ROBO2: variants seen among roughly 807,000 people sequenced by gnomAD.
ROBO2 encodes the protein roundabout homolog 2.
A neutral mutation model predicts 160.8 loss-of-function variants in ROBO2; 53 were observed. The ratio of observed to expected loss-of-function variants is 0.33; its 90% CI spans 0.26 to 0.41. The LOEUF is 0.41. Among genes scored for constraint, ROBO2 ranks in the 10% least tolerant of loss-of-function variants. ROBO2 has a pLI of 1.00. For synonymous variants in ROBO2, 664 were observed against 611.7 expected (o/e 1.09, Z -1.26); for missense variants, 1,577 against 1,722.4 (o/e 0.92, Z 1.49).
intron 7 of ROBO2, among the ~76,000 whole-genome samples, chr3:77,549,970 C>T (rs1320654315): frequency 6.6e-6 from 1 of 150,646 alleles, no homozygotes; most frequent in Admixed American, 6.7e-5. Flanking sequence ...TGGAAACATG[C>T]CCCAATATAA....
chr3:75,908,580 A>G (rs1946444195), intron 1 of ROBO2, among the ~76,000 whole-genome samples: 1 of 152,148 alleles, frequency 6.6e-6, no homozygotes. Context: ...AAGAATTCAG[A>G]CCTATGCTAT....
intron 13 of ROBO2, among the ~76,000 whole-genome samples, chr3:77,573,813 C>T (rs547624122): frequency 5.7e-4 from 87 of 151,886 alleles, no homozygotes; most frequent in Non-Finnish European, 1.2e-3. Context: ...GCTTTCTTAG[C>T]TCTTGGCACC....
intron 2 of ROBO2, among the ~76,000 whole-genome samples, chr3:77,013,480 A>T (rs1211259839): frequency 1.3e-5 from 2 of 152,306 alleles, no homozygotes; most frequent in East Asian, 3.9e-4. Context: ...ATCAATGTTG[A>T]TGAAATAATA....
intron 2 of ROBO2, among the ~76,000 whole-genome samples, chr3:76,638,082 A>G (rs889608152): frequency 6.6e-6 from 1 of 152,194 alleles, no homozygotes; most frequent in African/African-American, 2.4e-5. Context: ...GGAAGCATGA[A>G]GATACTATCA....
At chr3:76,478,965 A>C (rs145589703) in intron 2 of ROBO2, among the ~76,000 whole-genome samples, 171 of 152,152 alleles carry the variant, frequency 1.1e-3, no homozygotes, top group African/African-American at 3.9e-3. Context: ...ATCCAGCCTA[A>C]CTTCACACAC....
At chr3:76,224,692 T>C (rs1704176544) in intron 2 of ROBO2, among the ~76,000 whole-genome samples, 1 of 152,194 alleles carries the variant, frequency 6.6e-6, no homozygotes, top group Non-Finnish European at 1.5e-5. Context: ...TTCTAATGGC[T>C]AAATTCTATT....
chr3:76,331,956 T>G (rs2073522056), intron 2 of ROBO2, among the ~76,000 whole-genome samples: 1 of 152,116 alleles, frequency 6.6e-6, no homozygotes. Flanking sequence ...AATGCTGGGA[T>G]TACAGGAGTG....
intron 5 of ROBO2, among the ~76,000 whole-genome samples, chr3:77,507,653 G>T (rs2153613161): frequency 6.6e-6 from 1 of 152,186 alleles, no homozygotes; most frequent in South Asian, 2.1e-4. Context: ...ATCTAATAAT[G>T]CAATTTCTAG....
intron 2 of ROBO2, among the ~76,000 whole-genome samples, chr3:76,920,343 T>C (rs921075073): frequency 3.3e-5 from 5 of 152,198 alleles, no homozygotes; most frequent in Non-Finnish European, 7.4e-5. Context: ...ACAATAAATT[T>C]GCTGCCATCA....
At chr3:76,961,247 G>GAAAAAAAA (rs371889909) in intron 2 of ROBO2, among the ~76,000 whole-genome samples, 5 of 54,434 alleles carry the variant, frequency 9.2e-5, no homozygotes, top group East Asian at 6.4e-4. Context: ...GTGCCACAGA[G>GAAAAAAAA]AAAAAAAAAA....
intron 2 of ROBO2, among the ~76,000 whole-genome samples, chr3:75,956,297 A>G (rs543240997): frequency 1.8e-4 from 28 of 151,772 alleles, no homozygotes; most frequent in African/African-American, 6.7e-4. Context: ...CCTAGTAGCT[A>G]TATTGCTGGG....
chr3:76,766,772 A>T (rs267128), intron 2 of ROBO2, among the ~76,000 whole-genome samples: 123,839 of 151,258 alleles, frequency 0.82, 50,821 homozygotes, highest in Admixed American at 0.85. Flanking sequence ...AACAATAGCT[A>T]ACGATTTACC....
chr3:76,378,569 C>T (rs1237461948), intron 2 of ROBO2, among the ~76,000 whole-genome samples: 2 of 152,122 alleles, frequency 1.3e-5, no homozygotes, highest in African/African-American at 4.8e-5. Flanking sequence ...CGTGCTCAGG[C>T]TTTGGTAGGA....
At position 76,481,515 on chromosome 3, in the gene ROBO2, T is replaced by C. The variant is rs574675563; in HGVS notation, c.109+543913T>C. Among the ~76,000 whole-genome samples the C allele has an allele frequency of 2.6e-5, 4 of 152,276 alleles. No individual in the cohort carries two copies. The South Asian group carries it at 8.3e-4, about 32-fold the overall frequency. On this transcript the variant is annotated intron_variant, in intron 2 of 26. Transcript: ENST00000487694. Reference sequence around the variant, plus strand: ...TTGATATAATTTACTGCATGGTCAATGCATATCTCAATAAATGAATGAGGA... The same window carrying C: ...TTGATATAATTTACTGCATGGTCAACGCATATCTCAATAAATGAATGAGGA...
chr3:77,526,275 G>C (rs1413816998), intron 6 of ROBO2, among the ~76,000 whole-genome samples: 14 of 151,466 alleles, frequency 9.2e-5, no homozygotes, highest in Non-Finnish European at 7.4e-5. Context: ...GTATTACGAT[G>C]TATCTGTTAA....
At chr3:77,213,224 G>A (rs868104345) in intron 2 of ROBO2, among the ~76,000 whole-genome samples, 34 of 151,978 alleles carry the variant, frequency 2.2e-4, no homozygotes, top group Middle Eastern at 3.4e-3. Context: ...TTTTTTGGTT[G>A]TTAAGCTATT....
At chr3:76,106,727 A>G (rs1200675609) in intron 2 of ROBO2, among the ~76,000 whole-genome samples, 1 of 152,148 alleles carries the variant, frequency 6.6e-6, no homozygotes, top group Non-Finnish European at 1.5e-5. Flanking sequence ...ACATTTTGGA[A>G]AAAGGTTATT....
chr3:76,908,191 A>AT lies in ROBO2; in HGVS notation c.110-189821dup, dbSNP rs569128839. ...CAAATAAGTCAAAAGTCAAAGAAAA[A>AT]TTGTCAACCTCCAAATTAAGAAAAA... On this transcript the variant is annotated intron_variant, in intron 2 of 26. Transcript: ENST00000487694. Among the ~76,000 whole-genome samples, 307 of 150,636 alleles carry AT rather than the reference A, an allele frequency of 2.0e-3. 1 individual carries two copies. Among genetic ancestry groups the AT allele is most frequent in the African/African-American group, 7.3e-3 (299 of 41,106 alleles).
At chr3:77,350,988 T>A (rs2068267848) in intron 2 of ROBO2, among the ~76,000 whole-genome samples, 1 of 152,254 alleles carries the variant, frequency 6.6e-6, no homozygotes, top group Admixed American at 6.5e-5. Context: ...TATGCATTTC[T>A]ATATGTGTCA....
Sources: allele counts gnomAD v4.1 joint callset (sites outside exome capture counted in the v4.1 genomes callset), GRCh38; gene constraint gnomAD v4.1.1; transcripts MANE v1.5; gene names NCBI Gene and HGNC (gene_info 2026-07-23, HGNC 2026-07-21).